Variants in OXR1 observed in about 807,000 individuals in gnomAD.
The protein encoded by OXR1 is oxidation resistance protein 1.
OXR1 carries 41 observed loss-of-function variants against 104.6 expected under a neutral mutation model. That is an observed-to-expected ratio of 0.39 (90% CI 0.31 to 0.51). The LOEUF (loss-of-function observed/expected upper bound fraction) is 0.51. Ranked by LOEUF, OXR1 falls within the 20% of genes least tolerant of loss-of-function variation. The pLI, the probability that OXR1 is intolerant of heterozygous loss-of-function variation, is 0.77. For missense variants in OXR1, 955 were observed against 1,031.9 expected (o/e 0.93, Z 1.02); for synonymous variants, 348 against 348.4 (o/e 1.00, Z 0.01).
chr8:106,642,472 A>T (rs1325906366), intron 3 of OXR1, among the ~76,000 whole-genome samples: 1 of 152,318 alleles, frequency 6.6e-6, no homozygotes, highest in South Asian at 2.1e-4. Context: ...GTCATATTTA[A>T]TAAATGGCTT....
At chr8:106,390,839 C>T (rs545194058) in intron 2 of OXR1, among the ~76,000 whole-genome samples, 1 of 152,264 alleles carries the variant, frequency 6.6e-6, no homozygotes, top group Non-Finnish European at 1.5e-5. Flanking sequence ...ACATAAGACT[C>T]TCCAATATAG....
intron 16 of OXR1, among the ~76,000 whole-genome samples, chr8:106,747,260 A>G (rs1475078228): frequency 4.6e-5 from 7 of 152,214 alleles, no homozygotes; most frequent in Admixed American, 3.9e-4. Context: ...TAAATTGGAG[A>G]TTAAACCAGT....
At chr8:106,293,899 A>G (rs1242323158) in intron 1 of OXR1, among the ~76,000 whole-genome samples, 3 of 151,788 alleles carry the variant, frequency 2.0e-5, no homozygotes, top group Non-Finnish European at 4.4e-5. Context: ...GCTTCCAACA[A>G]ATGAATTTTG....
intron 1 of OXR1, among the ~76,000 whole-genome samples, chr8:106,292,966 T>G (rs532540414): frequency 9.2e-5 from 14 of 152,178 alleles, no homozygotes; most frequent in Non-Finnish European, 1.8e-4. Context: ...GAGAAACCAT[T>G]TAATGGGCTG....
chr8:106,448,704 G>A (rs1820141767), intron 2 of OXR1, among the ~76,000 whole-genome samples: 2 of 152,228 alleles, frequency 1.3e-5, no homozygotes, highest in South Asian at 4.1e-4. Context: ...CCTCATTACA[G>A]GAATAGGCCT....
chr8:106,406,262 A>C (rs891686278), intron 2 of OXR1, among the ~76,000 whole-genome samples: 7 of 152,222 alleles, frequency 4.6e-5, no homozygotes, highest in African/African-American at 1.7e-4. Flanking sequence ...TGATTCAGAA[A>C]CATGTAAATT....
At chr8:106,677,270 A>G (rs545055436) in intron 3 of OXR1, among the ~76,000 whole-genome samples, 3 of 152,228 alleles carry the variant, frequency 2.0e-5, no homozygotes, top group Admixed American at 1.3e-4. Context: ...ATTTTAATAC[A>G]TTTTCAGTTG....
intron 4 of OXR1, among the ~76,000 whole-genome samples, chr8:106,681,547 C>T (rs911481208): frequency 2.0e-5 from 3 of 152,012 alleles, no homozygotes; most frequent in Admixed American, 2.0e-4. Context: ...TTTCTGGAGA[C>T]AGGGTCTTGC....
intron 2 of OXR1, among the ~76,000 whole-genome samples, chr8:106,445,184 C>T (rs1819960775): frequency 6.6e-6 from 1 of 152,190 alleles, no homozygotes; most frequent in Non-Finnish European, 1.5e-5. Context: ...CAAACACACT[C>T]ATCTTACGTA....
intron 3 of OXR1, among the ~76,000 whole-genome samples, chr8:106,675,923 G>A (rs1827538832): frequency 6.6e-6 from 1 of 152,114 alleles, no homozygotes; most frequent in Non-Finnish European, 1.5e-5. Flanking sequence ...GGGAGTATAA[G>A]TCTCTTTGTA....
chr8:106,615,536 A>G (rs1486112878), intron 3 of OXR1, among the ~76,000 whole-genome samples: 1 of 150,276 alleles, frequency 6.7e-6, no homozygotes. Context: ...TGAGCCCAGG[A>G]GGCAGAAGTT....
intron 16 of OXR1, among the ~76,000 whole-genome samples, chr8:106,749,972 A>C (rs185051481): frequency 3.2e-4 from 48 of 152,128 alleles, no homozygotes; most frequent in African/African-American, 1.1e-3. Flanking sequence ...ATATTTGTCC[A>C]TTTAAAGTCC....
Position 106,652,923 on chromosome 8 carries a change from G to A in OXR1, c.221-26287G>A, listed in dbSNP as rs145386635. Among the ~76,000 whole-genome samples the A allele has an allele frequency of 2.7e-3, 409 of 151,408 alleles. 1 individual carries two copies. Among genetic ancestry groups the A allele is most frequent in the Middle Eastern group, 0.01 (3 of 292 alleles). ...GAGATGACTCAAATTACTAAAATTA[G>A]GAGTAAAAGAGCTGATATTAATATA... is the stretch of plus-strand genomic sequence containing the variant. On this transcript the variant is annotated intron_variant, in intron 3 of 16. Coordinates refer to ENST00000517566, the MANE Select transcript of OXR1 (RefSeq NM_001198533.2).
chr8:106,509,345 A>G (rs1812370397), intron 2 of OXR1, among the ~76,000 whole-genome samples: 1 of 152,236 alleles, frequency 6.6e-6, no homozygotes, highest in Non-Finnish European at 1.5e-5. Flanking sequence ...TTCAAAGTGA[A>G]TGCTTGTGAT....
intron 2 of OXR1, among the ~76,000 whole-genome samples, chr8:106,515,850 G>A (rs1271892244): frequency 6.6e-6 from 1 of 152,094 alleles, no homozygotes; most frequent in African/African-American, 2.4e-5. Flanking sequence ...CAACATAGGT[G>A]ATTTTTGGTT....
At chr8:106,680,749 C>T (rs192046981) in intron 4 of OXR1, among the ~76,000 whole-genome samples, 137 of 152,232 alleles carry the variant, frequency 9.0e-4, no homozygotes, top group African/African-American at 3.0e-3. Context: ...CTATCCCTCC[C>T]TTTCTAGTTG....
At chr8:106,559,533 TG>T (rs1816524598) in intron 3 of OXR1, among the ~76,000 whole-genome samples, 1 of 152,216 alleles carries the variant, frequency 6.6e-6, no homozygotes. Context: ...TTAATCCACT[TG>T]GACTGCTACA....
chr8:106,741,557 T>G (rs1448809049), intron 14 of OXR1, among the ~76,000 whole-genome samples: 1 of 152,102 alleles, frequency 6.6e-6, no homozygotes, highest in African/African-American at 2.4e-5. Flanking sequence ...ATTTTCAAAA[T>G]TAAGACTATA....
intron 3 of OXR1, among the ~76,000 whole-genome samples, chr8:106,593,411 C>A (rs115697196): frequency 2.5e-4 from 38 of 152,068 alleles, no homozygotes; most frequent in African/African-American, 7.7e-4. Context: ...TCTTTGCATC[C>A]GAAACAGCAC....
Sources: gnomAD v4.1 joint callset for allele counts (sites outside exome capture counted in the v4.1 genomes callset) on GRCh38, gnomAD v4.1.1 for gene constraint, MANE v1.5 for transcripts, NCBI Gene and HGNC (gene_info 2026-07-23, HGNC 2026-07-21) for gene names.